ABCB5: variants seen among roughly 807,000 people sequenced by gnomAD.
The protein encoded by ABCB5 is ATP-binding cassette sub-family B member 5.
ABCB5 carries 155 observed loss-of-function variants against 144.2 expected under a neutral mutation model. That is an observed-to-expected ratio of 1.08 (90% CI 0.94 to 1.23). The LOEUF (loss-of-function observed/expected upper bound fraction) is 1.23, where lower values mean the gene tolerates loss of function less well. Among genes scored for constraint, ABCB5 ranks in the 50% most tolerant of loss-of-function variants. ABCB5 has a pLI of 0.00. For missense variants in ABCB5, 1,830 were observed against 1,520.8 expected (o/e 1.20, Z -3.38); for synonymous variants, 610 against 528.6 (o/e 1.15, Z -2.11).
chr7:20,751,394 C>T (rs1260161853), intron 26 of ABCB5, among the ~76,000 whole-genome samples: 1 of 152,106 alleles, frequency 6.6e-6, no homozygotes, highest in African/African-American at 2.4e-5. Context: ...TGGCGTGAAC[C>T]CGGGAAGCGG....
At chr7:20,649,895 A>G in intron 11 of ABCB5, 127 bp from the exon 12 acceptor site, 1 of 1,039,442 alleles carries the variant, frequency 9.6e-7, no homozygotes, top group Non-Finnish European at 1.4e-6. Context: ...TGAAACAAAC[A>G]TAACAAGATC....
chr7:20,698,601 C>T, intron 17 of ABCB5, 51 bp downstream of exon 17: 6 of 1,510,498 alleles, frequency 4.0e-6, no homozygotes, highest in Non-Finnish European at 5.4e-6. Flanking sequence ...GAAAGTATGA[C>T]CTGAGAGAAC....
intron 1 of ABCB5, among the ~76,000 whole-genome samples, chr7:20,619,532 TG>T (rs1461095861): frequency 2.0e-5 from 3 of 149,792 alleles, no homozygotes; most frequent in African/African-American, 7.5e-5. Flanking sequence ...TGGGGTTATT[TG>T]TTTTTTTGCT....
intron 23 of ABCB5, among the ~76,000 whole-genome samples, chr7:20,734,936 T>G (rs1451501799): frequency 6.6e-6 from 1 of 152,228 alleles, no homozygotes; most frequent in East Asian, 1.9e-4. Context: ...GTTTATTTTA[T>G]CCTATCTCTT....
intron 14 of ABCB5, chr7:20,666,906 C>G: frequency 1.5e-6 from 2 of 1,314,622 alleles, no homozygotes; most frequent in Non-Finnish European, 2.0e-6. Flanking sequence ...TTTTCCTGAT[C>G]AGTTTTTTAG....
intron 4 of ABCB5, among the ~76,000 whole-genome samples, chr7:20,630,548 T>C (rs1177362923): frequency 1.3e-5 from 2 of 152,164 alleles, no homozygotes; most frequent in African/African-American, 4.8e-5. Flanking sequence ...ATTTTAATAA[T>C]ATGAACAAAA....
At chr7:20,648,767 G>C (rs941930170) in intron 11 of ABCB5, among the ~76,000 whole-genome samples, 6 of 152,162 alleles carry the variant, frequency 3.9e-5, no homozygotes, top group African/African-American at 1.2e-4. Context: ...GTCTGCTACA[G>C]AATTTGTATA....
intron 13 of ABCB5, among the ~76,000 whole-genome samples, chr7:20,654,387 C>T (rs1307225138): frequency 6.6e-6 from 1 of 152,094 alleles, no homozygotes; most frequent in Non-Finnish European, 1.5e-5. Flanking sequence ...ACTGATACAT[C>T]TGAAAGGAGA....
chr7:20,689,111 T>C (rs959556456), intron 16 of ABCB5, among the ~76,000 whole-genome samples: 3 of 152,008 alleles, frequency 2.0e-5, no homozygotes, highest in African/African-American at 7.2e-5. Context: ...GAACTTAAAG[T>C]ATAATAATAA....
chr7:20,648,352 T>C (rs1255518057), intron 11 of ABCB5, among the ~76,000 whole-genome samples: 1 of 152,184 alleles, frequency 6.6e-6, no homozygotes, highest in East Asian at 1.9e-4. Flanking sequence ...ATGTCTTGGG[T>C]TGACGCTGCC....
At chr7:20,695,512 G>A (rs1312968888) in intron 16 of ABCB5, among the ~76,000 whole-genome samples, 1 of 151,730 alleles carries the variant, frequency 6.6e-6, no homozygotes. Flanking sequence ...GTTAAGCAAA[G>A]ATCTCCTAAA....
At chr7:20,620,145 A>T (rs1033087143) in intron 1 of ABCB5, among the ~76,000 whole-genome samples, 13 of 152,158 alleles carry the variant, frequency 8.5e-5, no homozygotes, top group South Asian at 2.1e-4. Flanking sequence ...GATTGCTTAT[A>T]GATTAGAAAA....
chr7:20,679,735 A>G (rs1785730049), intron 14 of ABCB5, among the ~76,000 whole-genome samples: 1 of 152,192 alleles, frequency 6.6e-6, no homozygotes. Context: ...TAAAAATATG[A>G]TAGTTCTCAC....
At chr7:20,652,627 A>G (rs1033394088) in intron 13 of ABCB5, among the ~76,000 whole-genome samples, 2 of 152,238 alleles carry the variant, frequency 1.3e-5, no homozygotes, top group Non-Finnish European at 2.9e-5. Context: ...GTGAAATCAT[A>G]TTTGGAAAGC....
At chr7:20,680,070 T>A (rs1287843359) in intron 14 of ABCB5, among the ~76,000 whole-genome samples, 1 of 152,162 alleles carries the variant, frequency 6.6e-6, no homozygotes, top group African/African-American at 2.4e-5. Context: ...GAATACTGTG[T>A]GGCAATAAGA....
chr7:20,699,038 G>A (rs888472838), intron 17 of ABCB5, among the ~76,000 whole-genome samples: 1 of 152,152 alleles, frequency 6.6e-6, no homozygotes, highest in Admixed American at 6.5e-5. Context: ...TGGAACTTCA[G>A]TCTCCCTAAT....
At chr7:20,618,063 A>G (rs1023267642) in intron 1 of ABCB5, among the ~76,000 whole-genome samples, 2 of 152,236 alleles carry the variant, frequency 1.3e-5, no homozygotes, top group African/African-American at 4.8e-5. Context: ...TATAATTCAC[A>G]TATCATAGAA....
chr7:20,689,675 GA>G lies in ABCB5; in HGVS notation c.2010+3847del, dbSNP rs113463772. 9.0e-3 allele frequency among the ~76,000 whole-genome samples: 1,365 copies of G among 151,858 alleles called. 26 individuals are homozygous for G. The highest frequency in any genetic ancestry group is 0.03 in the African/African-American group (1,254 of 41,384). The stretch of plus-strand genomic sequence containing the variant: ...AAAACTATGCAGGCAGAACAGAGGA[GA>G]AAAAAAACCATCCTGCAGGAGCTTT... On this transcript the variant is annotated intron_variant, in intron 16 of 27. Coordinates refer to ENST00000404938, the MANE Select transcript of ABCB5 (RefSeq NM_001163941.2).
At chr7:20,616,654 T>G (rs188780593) in intron 1 of ABCB5, among the ~76,000 whole-genome samples, 26 of 152,298 alleles carry the variant, frequency 1.7e-4, no homozygotes, top group Middle Eastern at 3.4e-3. Flanking sequence ...TGTAGAGCAA[T>G]TAAGATGTTC....
Sources: allele counts gnomAD v4.1 joint callset (sites outside exome capture counted in the v4.1 genomes callset), GRCh38; gene constraint gnomAD v4.1.1; transcripts MANE v1.5; gene names NCBI Gene and HGNC (gene_info 2026-07-23, HGNC 2026-07-21).